The following TRPV1 variants were observed in gnomAD, a reference collection of about 807,000 sequenced individuals.
TRPV1 encodes the protein OTRPC1.
Under a neutral mutation model 82.3 loss-of-function variants are expected in TRPV1, and 82 were observed. The observed-to-expected ratio is 1.00, with a 90% CI of 0.83 to 1.20. The LOEUF (loss-of-function observed/expected upper bound fraction) is 1.20, where lower values mean the gene tolerates loss of function less well. Ranked by LOEUF, TRPV1 falls within the 50% of genes most tolerant of loss-of-function variation. The pLI, the probability that TRPV1 is intolerant of heterozygous loss-of-function variation, is 0.00. For missense variants in TRPV1, 1,067 were observed against 1,096.8 expected, an observed-to-expected ratio of 0.97 and a Z score of 0.38; for synonymous variants, 515 against 467.7, an observed-to-expected ratio of 1.10 and a Z score of -1.30.
intron 16 of TRPV1, among the ~76,000 whole-genome samples, chr17:3,570,859 G>A (rs1321643377): frequency 1.3e-5 from 2 of 152,100 alleles, no homozygotes; most frequent in African/African-American, 2.4e-5. Flanking sequence ...GATTACAGGT[G>A]CCTGCCACCA....
chr17:3,574,797 G>A (rs762163950), intron 13 of TRPV1, among the ~76,000 whole-genome samples: 4 of 151,724 alleles, frequency 2.6e-5, no homozygotes, highest in Admixed American at 6.6e-5. Context: ...AAAATAGCCA[G>A]GTTGGGATTA....
Position 3,572,235 on chromosome 17 carries a change from GA to G in TRPV1, c.2117del (p.Ile706ThrfsTer12), listed in dbSNP as rs767352195. 1 of 1,609,430 alleles carries G rather than the reference GA, an allele frequency of 6.2e-7. No homozygotes were observed. ...TAAGGAAGCTCTTCTCCGTGTCCAG[GA>G]TGGTGATGGCTCTCTGCAGGAAGAC... Reference protein sequence around the residue: ...NIWKLQRAITILDTEKSFLKC... With the variant: ...NIWKLQRAITXLDTEKSFLKC... On this transcript the variant is annotated frameshift_variant, in exon 15 of 17. Transcript: ENST00000572705. LOFTEE classifies it high-confidence loss of function.
At chr17:3,599,227 G>A (rs954874056) in intron 2 of TRPV1, among the ~76,000 whole-genome samples, 7 of 151,942 alleles carry the variant, frequency 4.6e-5, no homozygotes, top group South Asian at 2.1e-4. Context: ...CAACAAGAGC[G>A]AAACTCTGTC....
Position 3,588,318 on chromosome 17 carries a change from T to TG in TRPV1, c.1093dup (p.His365ProfsTer45). 6.4e-7 allele frequency: 1 copy of TG among 1,569,148 alleles called. No individual in the cohort carries two copies. The highest frequency in any genetic ancestry group is 2.4e-5 in the East Asian group (1 of 41,978). ...CCACTCGGTGAACTTCCTGGACAGG[T>TG]GCCTGCACTCGGGCTCCTGGATCTC... is the stretch of plus-strand genomic sequence containing the variant. On this transcript the variant is annotated frameshift_variant, in exon 8 of 17. Coordinates refer to ENST00000572705, the MANE Select transcript of TRPV1 (RefSeq NM_080704.4). LOFTEE classifies it high-confidence loss of function.
At chr17:3,567,232 T>G in intron 16 of TRPV1, among the ~76,000 whole-genome samples, 1 of 147,272 alleles carries the variant, frequency 6.8e-6, no homozygotes, top group Non-Finnish European at 1.5e-5. Context: ...TGGCCGGGCA[T>G]AGTGGCACAT....
intron 2 of TRPV1, among the ~76,000 whole-genome samples, chr17:3,603,463 C>A (rs2075278187): frequency 6.6e-6 from 1 of 152,208 alleles, no homozygotes; most frequent in Admixed American, 6.5e-5. Flanking sequence ...TAGATGCCGG[C>A]TGTATGGACT....
At chr17:3,602,563 AG>A (rs2075270873) in intron 2 of TRPV1, among the ~76,000 whole-genome samples, 1 of 152,110 alleles carries the variant, frequency 6.6e-6, no homozygotes. Context: ...GACTTCTGGG[AG>A]GGAGGGTGGT....
intron 2 of TRPV1, 97 bp from the exon 3 acceptor site, chr17:3,592,480 G>A: frequency 1.5e-6 from 2 of 1,291,310 alleles, no homozygotes; most frequent in Non-Finnish European, 2.1e-6. Flanking sequence ...GTGAAGCAGG[G>A]TACCCCAAAA....
At chr17:3,584,417 T>TA (rs1491126031) in intron 9 of TRPV1, among the ~76,000 whole-genome samples, 5 of 40,930 alleles carry the variant, frequency 1.2e-4, no homozygotes, top group African/African-American at 4.4e-4. Context: ...AAAAAAAAAA[T>TA]AAAATAAAAA....
At chr17:3,580,097 G>A (rs1039395781) in intron 11 of TRPV1, among the ~76,000 whole-genome samples, 3 of 147,704 alleles carry the variant, frequency 2.0e-5, no homozygotes, top group East Asian at 2.0e-4. Flanking sequence ...TGCCAAGGTC[G>A]CACAACCCCC....
chr17:3,581,154 A>ATT (rs139475187), intron 10 of TRPV1, among the ~76,000 whole-genome samples: 1 of 151,396 alleles, frequency 6.6e-6, no homozygotes, highest in Non-Finnish European at 1.5e-5. Flanking sequence ...CTTTTTCCTA[A>ATT]TTTTTTTTTA....
chr17:3,598,222 G>C (rs1479821263), intron 2 of TRPV1, among the ~76,000 whole-genome samples: 5 of 152,242 alleles, frequency 3.3e-5, no homozygotes, highest in African/African-American at 1.2e-4. Context: ...GGCAGGTCCA[G>C]CCTGGAATAA....
chr17:3,573,167 C>T lies in TRPV1; in HGVS notation c.2103+466G>A, dbSNP rs544929154. On this transcript the variant is annotated intron_variant, in intron 14 of 16. Transcript: ENST00000572705. ...GGGGATGCAGATGTGGCCCACGGGG[C>T]CAGAAATGTAGCTGTCAGGGCCCTG... Among the ~76,000 whole-genome samples the T allele has an allele frequency of 3.3e-5, 5 of 152,224 alleles. No homozygotes were observed. In the East Asian group the frequency reaches 7.7e-4, roughly 24 times the overall value.
chr17:3,583,504 A>C, intron 9 of TRPV1, 74 bp from the exon 10 acceptor site: 1 of 1,228,930 alleles, frequency 8.1e-7, no homozygotes, highest in Non-Finnish European at 1.2e-6. Flanking sequence ...AGGTCCATGA[A>C]GCCATAGTCC....
At chr17:3,601,545 T>C (rs2075263420) in intron 2 of TRPV1, among the ~76,000 whole-genome samples, 1 of 151,538 alleles carries the variant, frequency 6.6e-6, no homozygotes, top group Admixed American at 6.6e-5. Flanking sequence ...AGGTGAGCCC[T>C]AGGGATGCTC....
intron 2 of TRPV1, chr17:3,595,617 A>G (rs1333831389): frequency 6.6e-6 from 1 of 152,208 alleles, no homozygotes; most frequent in Non-Finnish European, 1.5e-5. Context: ...GAATAAGCTA[A>G]GAATAAGAAT....
intron 7 of TRPV1, 62 bp downstream of exon 7, chr17:3,589,745 G>A (rs1291557159): frequency 3.2e-6 from 5 of 1,543,886 alleles, no homozygotes; most frequent in Non-Finnish European, 4.4e-6. Flanking sequence ...AGTGAGTCAG[G>A]CAGTCCTCTC....
At chr17:3,597,250 A>G (rs1410994383) in intron 2 of TRPV1, among the ~76,000 whole-genome samples, 2 of 152,222 alleles carry the variant, frequency 1.3e-5, no homozygotes, top group African/African-American at 4.8e-5. Context: ...AGGGCTGCAG[A>G]GCACTTACCA....
chr17:3,591,324 C>A lies in TRPV1; in HGVS notation c.314G>T (p.Ser105Ile). The A allele has an allele frequency of 6.3e-7, 1 of 1,595,506 alleles. No homozygotes were observed. Among genetic ancestry groups the A allele is most frequent in the Non-Finnish European group, 8.5e-7 (1 of 1,172,694 alleles). The change falls in exon 4 of 17, where the codon AGC (serine) becomes ATC (isoleucine). Residue 105 changes from serine (S) to isoleucine (I), a missense_variant. Physicochemically the swap from Ser to Ile is moderately radical, Grantham distance 142 (BLOSUM62 -2). Transcript: ENST00000572705. ...ATAGAGCCTGAGGGTCTTCTCGGTG[C>A]TGGCGGCGACAGAGTCCTGGGACAG... ...RLLSQDSVAA[S>I]TEKTLRLYDR...
Sources: allele counts gnomAD v4.1 joint callset (sites outside exome capture counted in the v4.1 genomes callset), GRCh38; gene constraint gnomAD v4.1.1; transcripts MANE v1.5; gene names NCBI Gene and HGNC (gene_info 2026-07-23, HGNC 2026-07-21).